Variants in SPATA7 observed in about 807,000 individuals in gnomAD.
The protein encoded by SPATA7 is spermatogenesis-associated protein 7.
Under a neutral mutation model 51.8 loss-of-function variants are expected in SPATA7, and 43 were observed. The observed-to-expected ratio is 0.83, with a 90% CI of 0.65 to 1.07. The LOEUF (loss-of-function observed/expected upper bound fraction) is 1.07, where lower values mean the gene tolerates loss of function less well. SPATA7 is among the 50% of genes least tolerant of loss of function. The probability of loss-of-function intolerance (pLI) is 0.00; values close to 1 mark genes in which losing one functional copy is unlikely to be tolerated. For synonymous variants in SPATA7, 230 were observed against 252.8 expected, an observed-to-expected ratio of 0.91 and a Z score of 0.86; for missense variants, 683 against 701.3, an observed-to-expected ratio of 0.97 and a Z score of 0.30.
At chr14:88,408,989 G>A (rs1206351170) in intron 4 of SPATA7, among the ~76,000 whole-genome samples, 1 of 152,168 alleles carries the variant, frequency 6.6e-6, no homozygotes, top group Non-Finnish European at 1.5e-5. Flanking sequence ...GCTTTTTGAT[G>A]TGCTGCTGGA....
intron 4 of SPATA7, among the ~76,000 whole-genome samples, chr14:88,400,033 C>T (rs949392671): frequency 2.6e-5 from 4 of 152,154 alleles, no homozygotes; most frequent in African/African-American, 9.7e-5. Context: ...ATACGCACTC[C>T]TCAAGTGCAC....
chr14:88,416,936 A>T, intron 5 of SPATA7, 92 bp downstream of exon 5: 1 of 1,138,464 alleles, frequency 8.8e-7, no homozygotes, highest in Non-Finnish European at 1.3e-6. Context: ...GTTTAGGGTC[A>T]GCAAATTTTT....
At chr14:88,397,930 A>C (rs2075935864) in intron 4 of SPATA7, among the ~76,000 whole-genome samples, 1 of 152,106 alleles carries the variant, frequency 6.6e-6, no homozygotes, top group Non-Finnish European at 1.5e-5. Context: ...AAAAAACAAA[A>C]AATTAGCTGG....
chr14:88,463,383 C>T (rs1329169961), intron 4 of SPATA7, among the ~76,000 whole-genome samples: 4 of 151,796 alleles, frequency 2.6e-5, no homozygotes, highest in South Asian at 4.1e-4. Flanking sequence ...CGCTGGCATA[C>T]GTTCTGAAAA....
chr14:88,414,716 G>A, intron 4 of SPATA7: 1 of 369,760 alleles, frequency 2.7e-6, no homozygotes, highest in Non-Finnish European at 5.2e-6. Context: ...TGCTTTTGCT[G>A]CATCCCAGAA....
chr14:88,451,800 T>C (rs2077253669), intron 3 of SPATA7, among the ~76,000 whole-genome samples: 1 of 152,182 alleles, frequency 6.6e-6, no homozygotes, highest in Non-Finnish European at 1.5e-5. Context: ...GTTGGGGTTA[T>C]AGGTGTGAGC....
chr14:88,440,086 T>C (rs994997994), downstream of SPATA7, among the ~76,000 whole-genome samples: 1 of 152,110 alleles, frequency 6.6e-6, no homozygotes, highest in Admixed American at 6.6e-5. Flanking sequence ...CAGGGTTCCT[T>C]TCTTCAGTCC....
rs755958987 is a variant in SPATA7 at position 88,437,834 on chromosome 14, C to T, written c.1216-4C>T. The T allele has an allele frequency of 4.6e-5, 73 of 1,585,336 alleles. 1 individual carries two copies. The highest frequency in any genetic ancestry group is 3.4e-4 in the Middle Eastern group (2 of 5,908). ...TAATTAGTCTCATCTTTTCTTAATC[C>T]TAGGAAAAAATGCGCCACCTGCTGC... On this transcript the variant is annotated splice_region_variant and splice_polypyrimidine_tract_variant and intron_variant, in intron 11 of 11. Coordinates refer to ENST00000393545, the MANE Select transcript of SPATA7 (RefSeq NM_018418.5).
intron 5 of SPATA7, among the ~76,000 whole-genome samples, chr14:88,425,330 A>G (rs1218268587): frequency 1.3e-5 from 2 of 152,146 alleles, no homozygotes; most frequent in Non-Finnish European, 2.9e-5. Flanking sequence ...CAACTTGTCC[A>G]TCTTCCCCTT....
intron 4 of SPATA7, among the ~76,000 whole-genome samples, chr14:88,400,362 C>A (rs2076021371): frequency 6.6e-6 from 1 of 152,128 alleles, no homozygotes; most frequent in African/African-American, 2.4e-5. Flanking sequence ...TGAATACTTA[C>A]ATTAAAAGAG....
chr14:88,389,650 A>G (rs745689564), intron 1 of SPATA7, among the ~76,000 whole-genome samples: 3 of 152,180 alleles, frequency 2.0e-5, no homozygotes, highest in Non-Finnish European at 2.9e-5. Flanking sequence ...TCTTATCACC[A>G]TCTTATGCTA....
chr14:88,425,867 G>A (rs1476215329), intron 5 of SPATA7, among the ~76,000 whole-genome samples: 1 of 152,162 alleles, frequency 6.6e-6, no homozygotes, highest in Non-Finnish European at 1.5e-5. Flanking sequence ...TGAGGATGAT[G>A]TCACTAATAG....
intron 9 of SPATA7, among the ~76,000 whole-genome samples, chr14:88,431,611 T>C (rs2076942909): frequency 6.6e-6 from 1 of 152,166 alleles, no homozygotes; most frequent in Non-Finnish European, 1.5e-5. Context: ...TTGTCCCTCA[T>C]TCCCGTCTAC....
At chr14:88,389,691 A>G (rs1052835371) in intron 1 of SPATA7, among the ~76,000 whole-genome samples, 53 of 152,168 alleles carry the variant, frequency 3.5e-4, no homozygotes, top group African/African-American at 1.2e-3. Flanking sequence ...CTGGGGCCAA[A>G]TATTAACCAC....
rs2076439346 is a variant in SPATA7, at chr14:88,415,064, T to C, written c.239-1647T>C. 3 of 174,952 alleles carry C rather than the reference T, an allele frequency of 1.7e-5. No homozygotes were observed. The Admixed American group carries it at 1.8e-4, about 10-fold the overall frequency. 10.8% of individuals were successfully genotyped at this position (174,952 alleles called of 1,614,324 possible). A position where few individuals can be genotyped will look rare whatever the true frequency, so the allele number is the denominator to read the frequency against. On this transcript the variant is annotated intron_variant, in intron 4 of 11. Coordinates refer to ENST00000393545, the MANE Select transcript of SPATA7 (RefSeq NM_018418.5). ...GGTGGAGTATTCTTCTGTAGATGTC[T>C]ATTAGGTCCAGTTGGTCAGGTGTCA...
intron 3 of SPATA7, among the ~76,000 whole-genome samples, chr14:88,449,594 T>C (rs73327494): frequency 0.038 from 5,790 of 152,286 alleles, 361 homozygotes; most frequent in African/African-American, 0.13. Flanking sequence ...TTTAGTTTAT[T>C]TGTTCTAGGG....
At chr14:88,418,841 T>A (rs2076557352) in intron 5 of SPATA7, among the ~76,000 whole-genome samples, 1 of 152,210 alleles carries the variant, frequency 6.6e-6, no homozygotes, top group African/African-American at 2.4e-5. Context: ...AATCTCTGTA[T>A]CTGCTTTTTC....
chr14:88,412,915 T>C (rs1225528473), intron 4 of SPATA7, among the ~76,000 whole-genome samples: 2 of 152,218 alleles, frequency 1.3e-5, no homozygotes, highest in African/African-American at 2.4e-5. Flanking sequence ...GGTTTTCTTA[T>C]AGAATTTTTA....
chr14:88,413,066 G>A (rs946977380), intron 4 of SPATA7, among the ~76,000 whole-genome samples: 5 of 152,088 alleles, frequency 3.3e-5, no homozygotes, highest in African/African-American at 2.4e-5. Context: ...TTTTAGAATA[G>A]TATTTTCAAT....
Sources: gnomAD v4.1 joint callset for allele counts (sites outside exome capture counted in the v4.1 genomes callset) on GRCh38, gnomAD v4.1.1 for gene constraint, MANE v1.5 for transcripts, NCBI Gene and HGNC (gene_info 2026-07-23, HGNC 2026-07-21) for gene names.